CAST: variants seen among roughly 807,000 people sequenced by gnomAD.
CAST encodes the protein calpastatin, also known as MIR583 host.
CAST carries 76 observed loss-of-function variants against 119.6 expected under a neutral mutation model. The ratio of observed to expected loss-of-function variants is 0.64; its 90% CI spans 0.53 to 0.77. The LOEUF (loss-of-function observed/expected upper bound fraction) is 0.77. Ranked by LOEUF, CAST falls within the 30% of genes least tolerant of loss-of-function variation. CAST has a pLI of 0.00. For missense variants in CAST, 953 were observed against 946.5 expected, an observed-to-expected ratio of 1.01 and a Z score of -0.09; for synonymous variants, 319 against 331.6, an observed-to-expected ratio of 0.96 and a Z score of 0.41.
chr5:96,648,742 G>A (rs768596964), intron 1 of CAST, among the ~76,000 whole-genome samples: 6 of 151,404 alleles, frequency 4.0e-5, no homozygotes, highest in Non-Finnish European at 5.9e-5. Context: ...GTGTGTGTGT[G>A]TGGTGTAATA....
chr5:96,455,657 C>T, the CAST span, among the ~76,000 whole-genome samples: 1 of 152,206 alleles, frequency 6.6e-6, no homozygotes. Context: ...CCACGCAGGA[C>T]CTCAGTCCTG....
chr5:96,031,487 T>C, the CAST span, among the ~76,000 whole-genome samples: 1 of 152,176 alleles, frequency 6.6e-6, no homozygotes, highest in Admixed American at 6.6e-5. Context: ...ATTATTTTAT[T>C]TCTCAGTCAC....
Position 96,774,585 on chromosome 5 carries a change from A to AGAT in CAST, c.*1970_*1972dup, listed in dbSNP as rs1211020057. 3 of 985,456 alleles carry AGAT rather than the reference A, an allele frequency of 3.0e-6. No homozygotes were observed. The highest frequency in any genetic ancestry group is 3.6e-6 in the Non-Finnish European group (3 of 829,828). 61.0% of individuals were successfully genotyped at this position (985,456 alleles called of 1,614,324 possible). On this transcript the variant is annotated 3_prime_UTR_variant, in exon 32 of 32. Transcript: ENST00000675179. The stretch of plus-strand genomic sequence containing the variant: ...AATGGGCTTTTCCAAAAGCAAACAA[A>AGAT]GATAGGTTCCTCAGGTGACCAAAAC...
At chr5:96,007,503 C>T in the CAST span, among the ~76,000 whole-genome samples, 1 of 152,184 alleles carries the variant, frequency 6.6e-6, no homozygotes, top group Non-Finnish European at 1.5e-5. Context: ...AAACTCTAAC[C>T]TCCAATGTGA....
At chr5:96,393,126 G>A in the CAST span, 4 of 1,614,186 alleles carry the variant, frequency 2.5e-6, no homozygotes, top group South Asian at 1.1e-5. Context: ...GAGTCTTTAA[G>A]CTGGGAAGGT....
the CAST span, among the ~76,000 whole-genome samples, chr5:96,309,693 T>C: frequency 6.6e-6 from 1 of 152,168 alleles, no homozygotes; most frequent in South Asian, 2.1e-4. Context: ...ACAGCTTCCT[T>C]TGGGTAGGGG....
chr5:96,629,316 C>T (rs1747778609), intron 1 of CAST, among the ~76,000 whole-genome samples: 1 of 152,174 alleles, frequency 6.6e-6, no homozygotes, highest in Non-Finnish European at 1.5e-5. Context: ...TTCTCCAGAA[C>T]CATGAGCTGA....
At chr5:96,024,792 A>G in the CAST span, among the ~76,000 whole-genome samples, 2 of 152,184 alleles carry the variant, frequency 1.3e-5, no homozygotes, top group Non-Finnish European at 2.9e-5. Flanking sequence ...AAAGAAAAGA[A>G]GTGCATATTT....
chr5:96,467,550 CTTGGTATCATTTATTTAAAAG>C, the CAST span, among the ~76,000 whole-genome samples: 1 of 151,954 alleles, frequency 6.6e-6, no homozygotes, highest in African/African-American at 2.4e-5. Flanking sequence ...TCCCAGTTTT[CTTGGTATCATTTATTTAAAAG>C]TCCATCCATC....
Position 96,765,205 on chromosome 5 carries a change from A to T in CAST, c.1933-16A>T, listed in dbSNP as rs370994304. On this transcript the variant is annotated splice_polypyrimidine_tract_variant and intron_variant, in intron 25 of 31. Coordinates refer to ENST00000675179, the MANE Select transcript of CAST (RefSeq NM_001750.7). ...TTGGCTAATGAGTGACTAATTCAGC[A>T]TTATTTACTTTTCAGCAGAGTGACA... is the stretch of plus-strand genomic sequence containing the variant. 10 of 1,462,330 alleles carry T rather than the reference A, an allele frequency of 6.8e-6. No homozygotes were observed. The highest frequency in any genetic ancestry group is 1.4e-5 in the African/African-American group (1 of 71,130). 90.6% of individuals were successfully genotyped at this position (1,462,330 alleles called of 1,614,324 possible).
the CAST span, among the ~76,000 whole-genome samples, chr5:96,158,497 T>C: frequency 6.6e-6 from 1 of 152,162 alleles, no homozygotes; most frequent in African/African-American, 2.4e-5. Flanking sequence ...TATTTAAAGA[T>C]CTATAATAAT....
the CAST span, among the ~76,000 whole-genome samples, chr5:96,334,491 C>T: frequency 1.3e-5 from 2 of 152,206 alleles, no homozygotes; most frequent in Non-Finnish European, 2.9e-5. Flanking sequence ...GTTCTGCCAT[C>T]TTCAGGGAAC....
intron 1 of CAST, among the ~76,000 whole-genome samples, chr5:96,553,171 T>C (rs185405658): frequency 6.6e-6 from 1 of 152,218 alleles, no homozygotes; most frequent in Non-Finnish European, 1.5e-5. Flanking sequence ...AATAAAATAC[T>C]GGCAAACCGA....
the CAST span, among the ~76,000 whole-genome samples, chr5:96,488,760 G>A: frequency 4.0e-3 from 614 of 152,268 alleles, 4 homozygotes; most frequent in Non-Finnish European, 3.5e-3. Context: ...TTCTACAACC[G>A]AACAAAGTCT....
At chr5:96,015,098 C>CT in the CAST span, among the ~76,000 whole-genome samples, 13 of 152,258 alleles carry the variant, frequency 8.5e-5, no homozygotes, top group East Asian at 9.6e-4. Flanking sequence ...GTTCATTCAG[C>CT]TAGAAAGCAA....
the CAST span, among the ~76,000 whole-genome samples, chr5:96,154,219 A>G: frequency 6.6e-6 from 1 of 152,030 alleles, no homozygotes; most frequent in African/African-American, 2.4e-5. Context: ...CAGAGCTTGC[A>G]GTGAGCCAAG....
At chr5:96,454,328 T>C in the CAST span, among the ~76,000 whole-genome samples, 1 of 152,320 alleles carries the variant, frequency 6.6e-6, no homozygotes, top group East Asian at 1.9e-4. Context: ...AATTAATGAA[T>C]TCCTAAGCCT....
upstream of CAST, among the ~76,000 whole-genome samples, chr5:96,525,795 CA>C (rs1745589338): frequency 6.6e-6 from 1 of 152,200 alleles, no homozygotes; most frequent in African/African-American, 2.4e-5. Context: ...CGCTGTGCTG[CA>C]AAGGTTGGCA....
the CAST span, among the ~76,000 whole-genome samples, chr5:96,132,676 T>A: frequency 1.3e-5 from 2 of 152,138 alleles, no homozygotes; most frequent in African/African-American, 4.8e-5. Flanking sequence ...CATCTTTAAT[T>A]TGAAAGACTA....
Sources: allele counts gnomAD v4.1 joint callset (sites outside exome capture counted in the v4.1 genomes callset), GRCh38; gene constraint gnomAD v4.1.1; transcripts MANE v1.5; gene names NCBI Gene and HGNC (gene_info 2026-07-23, HGNC 2026-07-21).